USH2A: variants seen among roughly 807,000 people sequenced by gnomAD.
The protein encoded by USH2A is Usher syndrome 2A (autosomal recessive, mild).
In USH2A, 443 loss-of-function variants were observed where a neutral mutation model predicts 538.9. The ratio of observed to expected loss-of-function variants is 0.82; its 90% CI spans 0.76 to 0.89. The LOEUF is 0.89. Among genes scored for constraint, USH2A ranks in the 40% least tolerant of loss-of-function variants. The pLI, the probability that USH2A is intolerant of heterozygous loss-of-function variation, is 0.00. For missense variants in USH2A, 6,633 were observed against 6,324.8 expected (o/e 1.05, Z -1.65); for synonymous variants, 2,413 against 2,273.5 (o/e 1.06, Z -1.75).
chr1:216,086,566 T>TA (rs375382636), intron 24 of USH2A, among the ~76,000 whole-genome samples, 153 bp downstream of exon 24: 10 of 151,830 alleles, frequency 6.6e-5, no homozygotes, highest in Admixed American at 3.3e-4. Flanking sequence ...ATGGTTCCTT[T>TA]AAAAAAAAGA....
intron 38 of USH2A, among the ~76,000 whole-genome samples, chr1:215,933,236 A>G (rs1473117722): frequency 2.6e-5 from 4 of 152,126 alleles, no homozygotes; most frequent in African/African-American, 7.2e-5. Flanking sequence ...GTTTAGAGCC[A>G]TCACAGTTTT....
chr1:216,308,202 T>C (rs2037352939), intron 9 of USH2A, among the ~76,000 whole-genome samples: 1 of 152,224 alleles, frequency 6.6e-6, no homozygotes, highest in Admixed American at 6.5e-5. Context: ...GTATGATTGT[T>C]TGAGAAGTCT....
intron 30 of USH2A, among the ~76,000 whole-genome samples, chr1:216,051,751 G>T (rs985892583): frequency 6.6e-6 from 1 of 152,184 alleles, no homozygotes; most frequent in Non-Finnish European, 1.5e-5. Flanking sequence ...ATACAGGTTG[G>T]TTATCTGCAA....
Position 215,888,306 on chromosome 1 carries a change from C to T in USH2A, c.8223+120G>A, listed in dbSNP as rs1382600382. 1.6e-5 allele frequency: 24 copies of T among 1,490,850 alleles called. No homozygotes were observed. The South Asian group carries it at 2.1e-4, about 13-fold the overall frequency. 92.4% of individuals were successfully genotyped at this position (1,490,850 alleles called of 1,614,324 possible). A position where few individuals can be genotyped will look rare whatever the true frequency, so the allele number is the denominator to read the frequency against. ...GCCAAAGGCCAAAACCCAGTTTCTC[C>T]AGTGAATGCCTAAAACAACAAATGC... On this transcript the variant is annotated intron_variant, in intron 41 of 71. Transcript: ENST00000307340.
intron 21 of USH2A, among the ~76,000 whole-genome samples, chr1:216,110,672 A>T (rs1432309340): frequency 6.6e-6 from 1 of 152,240 alleles, no homozygotes; most frequent in South Asian, 2.1e-4. Flanking sequence ...TGTAATCTAC[A>T]GCTATAAAAT....
intron 15 of USH2A, among the ~76,000 whole-genome samples, chr1:216,217,083 T>A (rs569465111): frequency 2.2e-4 from 33 of 152,246 alleles, no homozygotes; most frequent in African/African-American, 7.5e-4. Flanking sequence ...ATTAAAAGTC[T>A]TGTGTCCTGG....
chr1:215,869,558 C>T (rs1276831285), intron 43 of USH2A, among the ~76,000 whole-genome samples: 1 of 152,078 alleles, frequency 6.6e-6, no homozygotes, highest in Non-Finnish European at 1.5e-5. Flanking sequence ...TAATGGCTCA[C>T]AAGGGAATTG....
chr1:215,773,494 CT>C (rs1661356084), intron 55 of USH2A, among the ~76,000 whole-genome samples: 2 of 127,380 alleles, frequency 1.6e-5, no homozygotes, highest in South Asian at 4.9e-4. Context: ...GTCTCTCTGT[CT>C]CTCTCTCTCT....
intron 44 of USH2A, 99 bp downstream of exon 44, chr1:215,866,908 T>A: frequency 2.6e-6 from 4 of 1,527,614 alleles, no homozygotes; most frequent in Non-Finnish European, 3.6e-6. Context: ...AACACTTCAC[T>A]ATCAAAATGA....
At chr1:215,993,264 G>C in intron 34 of USH2A, 97 bp from the exon 35 acceptor site, 2 of 1,559,328 alleles carry the variant, frequency 1.3e-6, no homozygotes, top group Admixed American at 1.7e-5. Context: ...TTCAGATTTT[G>C]TTATATAGTG....
At chr1:215,986,736 T>C (rs1034034471) in intron 35 of USH2A, among the ~76,000 whole-genome samples, 2 of 152,232 alleles carry the variant, frequency 1.3e-5, no homozygotes, top group African/African-American at 4.8e-5. Flanking sequence ...CAGTGTGCAT[T>C]TGTGTATGTT....
Position 216,289,451 on chromosome 1 carries a change from T to G in USH2A, c.1841-41A>C, listed in dbSNP as rs140221065. 33 of 1,612,878 alleles carry G rather than the reference T, an allele frequency of 2.0e-5. No homozygotes were observed. In the East Asian group the frequency reaches 7.4e-4, roughly 36 times the overall value. Reference sequence around the variant, plus strand: ...GTTATGCATTATGACTTCTAATTCATTAAAATCAGCTGCATAATTCAAAAT... The same window carrying G: ...GTTATGCATTATGACTTCTAATTCAGTAAAATCAGCTGCATAATTCAAAAT... On this transcript the variant is annotated intron_variant, in intron 10 of 71. Coordinates refer to ENST00000307340, the MANE Select transcript of USH2A (RefSeq NM_206933.4).
intron 62 of USH2A, among the ~76,000 whole-genome samples, chr1:215,676,952 C>T (rs1259138807): frequency 6.6e-6 from 1 of 152,158 alleles, no homozygotes; most frequent in African/African-American, 2.4e-5. Context: ...TAGGCGATTA[C>T]CAATTTGTAA....
intron 21 of USH2A, among the ~76,000 whole-genome samples, chr1:216,100,328 G>A (rs1453183128): frequency 2.6e-5 from 4 of 152,090 alleles, no homozygotes; most frequent in Non-Finnish European, 4.4e-5. Context: ...AATTATCAGG[G>A]TAGACCAGGG....
intron 18 of USH2A, 121 bp downstream of exon 18, chr1:216,198,194 G>A (rs2034894373): frequency 6.9e-7 from 1 of 1,443,744 alleles, no homozygotes; most frequent in South Asian, 1.3e-5. Flanking sequence ...ATTTTCCTTG[G>A]TCTATGGAAG....
At chr1:216,031,059 T>C (rs1669110459) in intron 32 of USH2A, among the ~76,000 whole-genome samples, 1 of 152,056 alleles carries the variant, frequency 6.6e-6, no homozygotes, top group Non-Finnish European at 1.5e-5. Flanking sequence ...TGGGCATTTC[T>C]CTATATCATT....
At chr1:216,187,163 G>GT (rs1340835134) in intron 20 of USH2A, among the ~76,000 whole-genome samples, 1 of 151,806 alleles carries the variant, frequency 6.6e-6, no homozygotes, top group Admixed American at 6.6e-5. Flanking sequence ...TATCTACTCA[G>GT]TCTCCCAAAT....
Position 216,175,493 on chromosome 1 carries a change from G to T in USH2A, c.4397-11C>A. The stretch of plus-strand genomic sequence containing the variant: ...TCAGTTGTGCTGGTGCTAAATATTA[G>T]AAAACACCTGTTATATTCAAGAATT... On this transcript the variant is annotated splice_polypyrimidine_tract_variant and intron_variant, in intron 20 of 71. Coordinates refer to ENST00000307340, the MANE Select transcript of USH2A (RefSeq NM_206933.4). 6.2e-7 allele frequency: 1 copy of T among 1,613,108 alleles called. No homozygotes were observed. Among genetic ancestry groups the T allele is most frequent in the Non-Finnish European group, 8.5e-7 (1 of 1,179,384 alleles).
chr1:215,635,103 T>A (rs1217097386), intron 69 of USH2A, among the ~76,000 whole-genome samples: 1 of 152,214 alleles, frequency 6.6e-6, no homozygotes, highest in Non-Finnish European at 1.5e-5. Context: ...ACTGGGACCC[T>A]TACTATTATT....
Sources: gnomAD v4.1 joint callset for allele counts (sites outside exome capture counted in the v4.1 genomes callset) on GRCh38, gnomAD v4.1.1 for gene constraint, MANE v1.5 for transcripts, NCBI Gene and HGNC (gene_info 2026-07-23, HGNC 2026-07-21) for gene names.